MTHFD1: variants seen among roughly 807,000 people sequenced by gnomAD.
MTHFD1 encodes the protein C-1-tetrahydrofolate synthase, cytoplasmic.
Under a neutral mutation model 110.3 loss-of-function variants are expected in MTHFD1, and 44 were observed. The observed-to-expected ratio is 0.40, with a 90% CI of 0.31 to 0.51. The LOEUF (loss-of-function observed/expected upper bound fraction) is 0.51. MTHFD1 is among the 20% of genes least tolerant of loss of function. The pLI is 0.60. For synonymous variants in MTHFD1, 402 were observed against 428.8 expected (o/e 0.94, Z 0.77); for missense variants, 909 against 1,173.1 (o/e 0.77, Z 3.29).
At chr14:64,443,795 TCA>T (rs1473848138) in intron 21 of MTHFD1, among the ~76,000 whole-genome samples, 2 of 152,076 alleles carry the variant, frequency 1.3e-5, no homozygotes, top group Non-Finnish European at 2.9e-5. Flanking sequence ...CCTCCTGACC[TCA>T]CAGTCAGGAT....
At chr14:64,448,021 G>C (rs1234692199) in intron 22 of MTHFD1, 196 bp from the exon 23 acceptor site, 1 of 612,938 alleles carries the variant, frequency 1.6e-6, no homozygotes, top group Non-Finnish European at 2.9e-6. Flanking sequence ...AGGCTGGAGT[G>C]AAAGCTGCAG....
chr14:64,445,170 C>T (rs1227799291), intron 22 of MTHFD1: 2 of 275,104 alleles, frequency 7.3e-6, no homozygotes, highest in East Asian at 1.9e-4. Flanking sequence ...GGCTGAGAAA[C>T]CCTGTCCTAG....
At chr14:64,397,138 AAT>A (rs1182197415) in intron 1 of MTHFD1, among the ~76,000 whole-genome samples, 23 of 11,946 alleles carry the variant, frequency 1.9e-3, no homozygotes, top group East Asian at 0.013. Flanking sequence ...AAAAAAAAAA[AAT>A]ATATATATAT....
intron 26 of MTHFD1, chr14:64,455,240 C>A (rs766452499): frequency 2.4e-5 from 7 of 291,590 alleles, no homozygotes; most frequent in South Asian, 2.2e-4. Context: ...TTAACTCAGT[C>A]CCCCCACAGC....
chr14:64,411,915 C>T lies in MTHFD1; in HGVS notation c.187-557C>T, dbSNP rs535483210. ...AAGCTCCAACCAGAAAAAAAAAAGA[C>T]GATATAGACAAGTGGGGCAGAGGAA... On this transcript the variant is annotated intron_variant, in intron 3 of 27. Coordinates refer to ENST00000652337, the MANE Select transcript of MTHFD1 (RefSeq NM_005956.4). Among the ~76,000 whole-genome samples the T allele has an allele frequency of 2.6e-4, 40 of 151,702 alleles. No homozygotes were observed. The South Asian group carries it at 7.7e-3, about 29-fold the overall frequency.
Position 64,459,505 on chromosome 14 carries a change from T to C in MTHFD1, c.*5-254T>C, listed in dbSNP as rs185382586. 7.2e-5 allele frequency among the ~76,000 whole-genome samples: 11 copies of C among 152,374 alleles called. No homozygotes were observed. The East Asian group carries it at 1.7e-3, about 24-fold the overall frequency. On this transcript the variant is annotated intron_variant, in intron 27 of 27. Coordinates refer to ENST00000652337, the MANE Select transcript of MTHFD1 (RefSeq NM_005956.4). Reference sequence around the variant, plus strand: ...TAGAACACTATTCTTTGAGAGGGTATGTGTGATACTCGAAATGCAGTCATG... The same window carrying C: ...TAGAACACTATTCTTTGAGAGGGTACGTGTGATACTCGAAATGCAGTCATG...
chr14:64,405,294 T>C, intron 2 of MTHFD1, among the ~76,000 whole-genome samples: 1 of 152,214 alleles, frequency 6.6e-6, no homozygotes, highest in Non-Finnish European at 1.5e-5. Flanking sequence ...TTTTAAAAAC[T>C]GACTTCCAAC....
rs35824559 is a variant in MTHFD1, at chr14:64,447,149, C to CTTT, written c.2179-1045_2179-1043dup. 8.9e-3 allele frequency among the ~76,000 whole-genome samples: 503 copies of CTTT among 56,258 alleles called. 23 individuals are homozygous for CTTT. Among genetic ancestry groups the CTTT allele is most frequent in the Non-Finnish European group, 0.011 (375 of 33,436 alleles). 36.9% of individuals were successfully genotyped at this position (56,258 alleles called of 152,430 possible). A position where few individuals can be genotyped will look rare whatever the true frequency, so the allele number is the denominator to read the frequency against. ...GTGAGCTACCACATCCAGCTCAGTT[C>CTTT]TTTTTTTTTTTTTTTTTTTTTTTTT... On this transcript the variant is annotated intron_variant, in intron 22 of 27. Coordinates refer to ENST00000652337, the MANE Select transcript of MTHFD1 (RefSeq NM_005956.4).
chr14:64,411,850 A>T (rs534994751), intron 3 of MTHFD1, among the ~76,000 whole-genome samples: 1 of 152,240 alleles, frequency 6.6e-6, no homozygotes, highest in East Asian at 1.9e-4. Flanking sequence ...GTGGTGAGCC[A>T]AGATAGTGCC....
chr14:64,450,822 C>T (rs557523161), intron 24 of MTHFD1, among the ~76,000 whole-genome samples: 2 of 151,548 alleles, frequency 1.3e-5, no homozygotes, highest in East Asian at 1.9e-4. Flanking sequence ...GTCCTCCCAC[C>T]TCAGCCCCCT....
chr14:64,406,195 C>T (rs1051495638), intron 2 of MTHFD1, among the ~76,000 whole-genome samples: 99 of 151,398 alleles, frequency 6.5e-4, no homozygotes, highest in African/African-American at 2.3e-3. Context: ...TGTTCCACCA[C>T]GCCTGGCTAA....
Position 64,417,670 on chromosome 14 carries a change from C to CA in MTHFD1, c.479-213dup, listed in dbSNP as rs1355748533. ...GAATGATCTTGGCTTAAGCTGCTCC[C>CA]AAAAACCCACGGCCAGAAGGACACA... On this transcript the variant is annotated intron_variant, in intron 6 of 27. Coordinates refer to ENST00000652337, the MANE Select transcript of MTHFD1 (RefSeq NM_005956.4). The surrounding 1 kb of genome is among the most constrained non-coding windows in gnomAD (Gnocchi z 4.4). Among the ~76,000 whole-genome samples, 2 of 152,166 alleles carry CA rather than the reference C, an allele frequency of 1.3e-5. No individual in the cohort carries two copies. The highest frequency in any genetic ancestry group is 2.9e-5 in the Non-Finnish European group (2 of 68,024).
chr14:64,410,970 T>A (rs1187233941), intron 2 of MTHFD1, 120 bp from the exon 3 acceptor site: 4 of 757,210 alleles, frequency 5.3e-6, no homozygotes, highest in Non-Finnish European at 9.3e-6. Flanking sequence ...CCTGTAAAAG[T>A]TCTCTGCAAC....
Position 64,397,226 on chromosome 14 carries a change from G to A in MTHFD1, c.42-3567G>A, listed in dbSNP as rs1469940876. Among the ~76,000 whole-genome samples, 56 of 82,156 alleles carry A rather than the reference G, an allele frequency of 6.8e-4. 1 individual carries two copies. The highest frequency in any genetic ancestry group is 2.4e-3 in the African/African-American group (49 of 20,086). 53.9% of individuals were successfully genotyped at this position (82,156 alleles called of 152,430 possible). A position where few individuals can be genotyped will look rare whatever the true frequency, so the allele number is the denominator to read the frequency against. ...AATCTATTGGGGCAGGGGATAAATT[G>A]TGTCCTTGTTTAGAAGAAGACTTTT... is the stretch of plus-strand genomic sequence containing the variant. On this transcript the variant is annotated intron_variant, in intron 1 of 27. Transcript: ENST00000652337.
intron 16 of MTHFD1, 35 bp downstream of exon 16, chr14:64,435,706 G>C: frequency 8.0e-7 from 1 of 1,251,972 alleles, no homozygotes; most frequent in Non-Finnish European, 1.2e-6. Flanking sequence ...GTTTGTTTTG[G>C]CTATATTGCA....
chr14:64,433,093 T>C (rs939279291), intron 15 of MTHFD1, among the ~76,000 whole-genome samples: 2 of 151,984 alleles, frequency 1.3e-5, no homozygotes, highest in Admixed American at 1.3e-4. Flanking sequence ...TTTTTCTGTT[T>C]TTTAATTTTT....
intron 27 of MTHFD1, 39 bp downstream of exon 27, chr14:64,458,346 A>C: frequency 6.0e-5 from 76 of 1,272,664 alleles, no homozygotes; most frequent in Non-Finnish European, 8.2e-5. Context: ...TTTTTTCCTC[A>C]TGTAGCTTAT....
rs2078116862 is a variant in MTHFD1, at chr14:64,426,154, G to A, written c.1089G>A (p.Leu363=). ...TTCTGCTGTCAGCACTAGAACGCCTGAAGCACCGGCCTGATGGGAAATACG... is the reference window on the plus strand; with the variant it reads ...TTCTGCTGTCAGCACTAGAACGCCTAAAGCACCGGCCTGATGGGAAATACG... ...AKVLLSALER[L]KHRPDGKYVV... is the part of the protein sequence containing the mutation. Residue 363 remains leucine, a synonymous_variant, in exon 11 of 28, where the codon CTG becomes CTA. Coordinates refer to ENST00000652337, the MANE Select transcript of MTHFD1 (RefSeq NM_005956.4). The A allele has an allele frequency of 3.7e-6, 6 of 1,614,196 alleles. No homozygotes were observed. Among genetic ancestry groups the A allele is most frequent in the African/African-American group, 2.7e-5 (2 of 75,050 alleles).
chr14:64,405,373 A>G (rs57126344), intron 2 of MTHFD1, among the ~76,000 whole-genome samples: 9,058 of 152,266 alleles, frequency 0.059, 498 homozygotes, highest in African/African-American at 0.15. Flanking sequence ...CTCGTCTCCT[A>G]CGTCCTTGCT....
Sources: gnomAD v4.1 joint callset for allele counts (sites outside exome capture counted in the v4.1 genomes callset) on GRCh38, gnomAD v4.1.1 for gene constraint, Gnocchi (gnomAD v3.1) non-coding constraint, MANE v1.5 for transcripts, NCBI Gene and HGNC (gene_info 2026-07-23, HGNC 2026-07-21) for gene names.